CCDC150: variants seen among roughly 807,000 people sequenced by gnomAD.
CCDC150 encodes coiled-coil domain containing 150.
CCDC150 carries 151 observed loss-of-function variants against 156.5 expected under a neutral mutation model. The observed-to-expected ratio is 0.97, with a 90% CI of 0.85 to 1.10. The LOEUF (loss-of-function observed/expected upper bound fraction) is 1.10, where lower values mean the gene tolerates loss of function less well. Among genes scored for constraint, CCDC150 ranks in the 50% least tolerant of loss-of-function variants. The pLI, the probability that CCDC150 is intolerant of heterozygous loss-of-function variation, is 0.00. For missense variants in CCDC150, 1,312 were observed against 1,268.1 expected, an observed-to-expected ratio of 1.03 and a Z score of -0.53; for synonymous variants, 452 against 429.4, an observed-to-expected ratio of 1.05 and a Z score of -0.65.
intron 2 of CCDC150, among the ~76,000 whole-genome samples, chr2:196,655,432 G>A (rs1693129875): frequency 1.3e-5 from 2 of 152,264 alleles, no homozygotes; most frequent in South Asian, 4.1e-4. Context: ...TAGACTTGGA[G>A]TTATCGCTGG....
intron 15 of CCDC150, among the ~76,000 whole-genome samples, chr2:196,708,242 T>A (rs1042638719): frequency 2.0e-4 from 31 of 152,220 alleles, no homozygotes; most frequent in Non-Finnish European, 4.4e-4. Context: ...GTTGAATTGA[T>A]CCCTTTACCG....
intron 5 of CCDC150, among the ~76,000 whole-genome samples, chr2:196,663,573 A>G (rs1693676151): frequency 1.3e-5 from 2 of 152,142 alleles, no homozygotes; most frequent in South Asian, 2.1e-4. Flanking sequence ...TCAGAAATGT[A>G]AGGAAAGATC....
Position 196,732,617 on chromosome 2 carries a change from C to A in CCDC150, c.*55C>A. On this transcript the variant is annotated 3_prime_UTR_variant, in exon 28 of 28. Coordinates refer to ENST00000389175, the MANE Select transcript of CCDC150 (RefSeq NM_001080539.2). ...TAGCTACACTCCATGATTCCAAGAG[C>A]CCAGCAGCCGGGGCTGGCCTGTTTC... 1 of 1,229,380 alleles carries A rather than the reference C, an allele frequency of 8.1e-7. No homozygotes were observed. Among genetic ancestry groups the A allele is most frequent in the Non-Finnish European group, 1.2e-6 (1 of 833,474 alleles). The allele number at this position is 1,229,380 out of a possible 1,614,324, so 76.2% of individuals were successfully genotyped here. A position where few individuals can be genotyped will look rare whatever the true frequency, so the allele number is the denominator to read the frequency against.
intron 15 of CCDC150, among the ~76,000 whole-genome samples, chr2:196,703,405 A>G (rs1696373654): frequency 6.6e-6 from 1 of 152,246 alleles, no homozygotes; most frequent in Non-Finnish European, 1.5e-5. Context: ...TTGCAGAGGT[A>G]GTGATGCATT....
At chr2:196,689,793 A>G (rs1467502563) in intron 13 of CCDC150, among the ~76,000 whole-genome samples, 5 of 152,074 alleles carry the variant, frequency 3.3e-5, no homozygotes, top group African/African-American at 7.3e-5. Context: ...TTGAATAGGA[A>G]TGGTGAGAGA....
chr2:196,647,483 AAAC>A (rs1043827417), intron 2 of CCDC150, among the ~76,000 whole-genome samples: 2 of 152,156 alleles, frequency 1.3e-5, no homozygotes, highest in African/African-American at 4.8e-5. Flanking sequence ...ATATTAAAAT[AAAC>A]AACAATTAAA....
At chr2:196,731,038 G>T (rs2680967) in intron 26 of CCDC150, 93 bp downstream of exon 26, 10 of 843,174 alleles carry the variant, frequency 1.2e-5, no homozygotes, top group Non-Finnish European at 1.7e-5. Context: ...CTTCATTAAC[G>T]TAGTTGTCAG....
At chr2:196,685,857 G>T (rs866908775) in intron 13 of CCDC150, among the ~76,000 whole-genome samples, 1 of 151,816 alleles carries the variant, frequency 6.6e-6, no homozygotes, top group South Asian at 2.1e-4. Flanking sequence ...CTCGTGATCC[G>T]CCCGCCTCAG....
chr2:196,721,772 A>G, intron 21 of CCDC150, 81 bp downstream of exon 21: 2 of 1,159,134 alleles, frequency 1.7e-6, no homozygotes, highest in Non-Finnish European at 1.2e-6. Flanking sequence ...GCTCATTCGC[A>G]TAAATCAGTT....
intron 26 of CCDC150, 63 bp from the exon 27 acceptor site, chr2:196,731,970 A>C: frequency 6.5e-7 from 1 of 1,529,258 alleles, no homozygotes; most frequent in South Asian, 1.2e-5. Flanking sequence ...CTCTGCAACT[A>C]ATACACAAAA....
At chr2:196,648,457 G>A (rs1223271789) in intron 2 of CCDC150, among the ~76,000 whole-genome samples, 1 of 151,860 alleles carries the variant, frequency 6.6e-6, no homozygotes, top group Non-Finnish European at 1.5e-5. Flanking sequence ...TGTCTATTCC[G>A]GTTTTTGTCC....
chr2:196,716,547 CAT>C (rs1375802875), intron 17 of CCDC150, among the ~76,000 whole-genome samples: 1 of 152,150 alleles, frequency 6.6e-6, no homozygotes, highest in Non-Finnish European at 1.5e-5. Context: ...AATACAAACT[CAT>C]ATATTGTAAC....
chr2:196,731,345 C>G (rs1469254316), intron 26 of CCDC150, among the ~76,000 whole-genome samples: 1 of 150,610 alleles, frequency 6.6e-6, no homozygotes, highest in Admixed American at 6.6e-5. Flanking sequence ...TTTTCTTTCT[C>G]TATTCTAAAC....
chr2:196,689,269 C>A (rs1695297931), intron 13 of CCDC150, among the ~76,000 whole-genome samples: 1 of 151,952 alleles, frequency 6.6e-6, no homozygotes, highest in South Asian at 2.1e-4. Flanking sequence ...TAGTTTTTTC[C>A]AATTCTGTGA....
intron 14 of CCDC150, among the ~76,000 whole-genome samples, chr2:196,697,838 A>G (rs1695928274): frequency 6.6e-6 from 1 of 152,190 alleles, no homozygotes. Context: ...TTTAGAAATA[A>G]TTTTGTGGCT....
At chr2:196,688,010 G>A (rs536665327) in intron 13 of CCDC150, among the ~76,000 whole-genome samples, 1 of 152,256 alleles carries the variant, frequency 6.6e-6, no homozygotes, top group African/African-American at 2.4e-5. Flanking sequence ...CTGTAGCCCT[G>A]TAGCATAATT....
chr2:196,717,890 C>CA (rs3085043), intron 17 of CCDC150, among the ~76,000 whole-genome samples: 91 of 148,668 alleles, frequency 6.1e-4, no homozygotes, highest in South Asian at 2.7e-3. Context: ...AATTCAGTCT[C>CA]AAAAAAAAAA....
intron 13 of CCDC150, among the ~76,000 whole-genome samples, chr2:196,693,266 A>G (rs1695602380): frequency 6.6e-6 from 1 of 152,152 alleles, no homozygotes; most frequent in African/African-American, 2.4e-5. Flanking sequence ...TGACTGAAAC[A>G]TTGTTATGCA....
At chr2:196,672,322 G>A in intron 8 of CCDC150, 23 bp from the exon 9 acceptor site, 3 of 1,318,634 alleles carry the variant, frequency 2.3e-6, no homozygotes, top group Non-Finnish European at 2.1e-6. Context: ...ATGTGAAAAA[G>A]AGAGTAATTT....
Sources: gnomAD v4.1 joint callset for allele counts (sites outside exome capture counted in the v4.1 genomes callset) on GRCh38, gnomAD v4.1.1 for gene constraint, MANE v1.5 for transcripts, NCBI Gene and HGNC (gene_info 2026-07-23, HGNC 2026-07-21) for gene names.